The following ZNF600 variants were observed in gnomAD, a reference collection of about 807,000 sequenced individuals.
ZNF600 encodes the protein zinc finger protein KR-ZNF1.
Under a neutral mutation model 7.3 loss-of-function variants are expected in ZNF600, and 4 were observed. That is an observed-to-expected ratio of 0.55 (90% CI 0.27 to 1.25). The LOEUF is 1.25. ZNF600 is among the 50% of genes most tolerant of loss of function. ZNF600 has a pLI of 0.12. For missense variants in ZNF600, 911 were observed against 922.1 expected (o/e 0.99, Z 0.16); for synonymous variants, 290 against 308.9 (o/e 0.94, Z 0.64).
chr19:52,775,791 G>A (rs901960706), intron 2 of ZNF600, among the ~76,000 whole-genome samples: 3 of 152,034 alleles, frequency 2.0e-5, no homozygotes, highest in Non-Finnish European at 2.9e-5. Flanking sequence ...GGTGGATCAC[G>A]AGGTCAGGAG....
the ZNF600 span, among the ~76,000 whole-genome samples, chr19:52,795,687 C>A: frequency 6.6e-6 from 1 of 152,086 alleles, no homozygotes; most frequent in South Asian, 2.1e-4. Flanking sequence ...CTGCCTCAGC[C>A]TCCTGAGTAG....
At chr19:52,769,289 G>A (rs1315663986) in intron 3 of ZNF600, among the ~76,000 whole-genome samples, 1 of 152,186 alleles carries the variant, frequency 6.6e-6, no homozygotes, top group Non-Finnish European at 1.5e-5. Flanking sequence ...GTGATGCTGT[G>A]CTTCAGTGGT....
chr19:52,810,015 C>A, the ZNF600 span: 1 of 754,694 alleles, frequency 1.3e-6, no homozygotes, highest in Non-Finnish European at 2.4e-6. Context: ...GCTGTTGGAG[C>A]CGGAGCCCGA....
At chr19:52,799,996 G>A in the ZNF600 span, 36 of 1,601,576 alleles carry the variant, frequency 2.2e-5, no homozygotes, top group African/African-American at 2.2e-4. Context: ...GATGTCTGAC[G>A]GAAGGTCTTG....
chr19:52,774,977 C>T (rs900278479), intron 2 of ZNF600, among the ~76,000 whole-genome samples: 18 of 152,128 alleles, frequency 1.2e-4, no homozygotes, highest in African/African-American at 2.9e-4. Context: ...TGGTGGTTCA[C>T]ACCTGTAATC....
the ZNF600 span, among the ~76,000 whole-genome samples, chr19:52,816,363 A>G: frequency 6.8e-6 from 1 of 146,368 alleles, no homozygotes; most frequent in African/African-American, 2.7e-5. Flanking sequence ...TACTAAAAAT[A>G]CAAAAAAATT....
chr19:52,807,085 A>T, the ZNF600 span, among the ~76,000 whole-genome samples: 6 of 152,152 alleles, frequency 3.9e-5, no homozygotes, highest in Non-Finnish European at 8.8e-5. Flanking sequence ...CTGAGCTCTT[A>T]CCTGCGTTTG....
At chr19:52,806,350 C>T in the ZNF600 span, among the ~76,000 whole-genome samples, 2 of 151,952 alleles carry the variant, frequency 1.3e-5, no homozygotes, top group African/African-American at 4.8e-5. Flanking sequence ...CCCACCACGG[C>T]GCCTGGCTAA....
the ZNF600 span, among the ~76,000 whole-genome samples, chr19:52,808,414 A>G: frequency 3.0e-4 from 45 of 152,308 alleles, no homozygotes; most frequent in African/African-American, 1.0e-3. Context: ...TAGACACACC[A>G]AGTGACATTC....
At chr19:52,772,603 C>CA in intron 3 of ZNF600, among the ~76,000 whole-genome samples, 1 of 152,148 alleles carries the variant, frequency 6.6e-6, no homozygotes, top group African/African-American at 2.4e-5. Context: ...AACTCCATCT[C>CA]AAAAAACAAA....
the ZNF600 span, among the ~76,000 whole-genome samples, chr19:52,793,772 A>C: frequency 6.2e-5 from 2 of 32,328 alleles, no homozygotes; most frequent in Admixed American, 2.4e-4. Context: ...TGCCACACAC[A>C]CACACACACA....
chr19:52,765,484 A>T, exon 4 of ZNF600: 1 of 1,552,192 alleles, frequency 6.4e-7, no homozygotes, highest in East Asian at 2.2e-5. Flanking sequence ...TGTCTGAAAA[A>T]TTTGCCACAT....
At chr19:52,790,170 AC>A (rs1413794598), upstream of ZNF600, among the ~76,000 whole-genome samples, 1 of 152,180 alleles carries the variant, frequency 6.6e-6, no homozygotes, top group Non-Finnish European at 1.5e-5. Flanking sequence ...CTGGGCGTAT[AC>A]GTGCAAGTCA....
At chr19:52,812,381 A>G in the ZNF600 span, among the ~76,000 whole-genome samples, 117 of 138,974 alleles carry the variant, frequency 8.4e-4, no homozygotes, top group African/African-American at 3.4e-3. Context: ...CTGTGTGGAT[A>G]GAAGTAGACA....
At chr19:52,766,473 T>C in exon 4 of ZNF600, 1 of 1,614,150 alleles carries the variant, frequency 6.2e-7, no homozygotes, top group South Asian at 1.1e-5. Context: ...AATTAGAAGA[T>C]CTGAATTTTG....
chr19:52,789,357 G>A (rs1399973832), upstream of ZNF600, among the ~76,000 whole-genome samples: 1 of 152,216 alleles, frequency 6.6e-6, no homozygotes, highest in East Asian at 1.9e-4. Flanking sequence ...ATCTAGGGAT[G>A]AGGTCTTGAA....
At chr19:52,794,613 G>C in the ZNF600 span, among the ~76,000 whole-genome samples, 3 of 152,204 alleles carry the variant, frequency 2.0e-5, no homozygotes, top group Non-Finnish European at 2.9e-5. Context: ...CCAGCACTTT[G>C]GGAGGCTGAA....
At chr19:52,824,335 TG>T in the ZNF600 span, among the ~76,000 whole-genome samples, 1 of 152,050 alleles carries the variant, frequency 6.6e-6, no homozygotes, top group Admixed American at 6.6e-5. Context: ...ATTACTTTGT[TG>T]ATTTAAAGCT....
At chr19:52,767,693 C>T in exon 4 of ZNF600, 1 of 1,613,834 alleles carries the variant, frequency 6.2e-7, no homozygotes. Context: ...GATATCTTTG[C>T]AATGTCCCTG....
Sources: allele counts gnomAD v4.1 joint callset (sites outside exome capture counted in the v4.1 genomes callset), GRCh38; gene constraint gnomAD v4.1.1; transcripts MANE v1.5; gene names NCBI Gene and HGNC (gene_info 2026-07-23, HGNC 2026-07-21).